The following RNF217 variants were observed in gnomAD, a reference collection of about 807,000 sequenced individuals.
RNF217 encodes the protein ring finger protein 217, also known as E3 ubiquitin-protein ligase RNF217.
In RNF217, 31 loss-of-function variants were observed where a neutral mutation model predicts 57.8. The ratio of observed to expected loss-of-function variants is 0.54; its 90% CI spans 0.40 to 0.72. The LOEUF is 0.72. Among genes scored for constraint, RNF217 ranks in the 30% least tolerant of loss-of-function variants. The probability of loss-of-function intolerance (pLI) is 0.00; values close to 1 mark genes in which losing one functional copy is unlikely to be tolerated. For synonymous variants in RNF217, 313 were observed against 294.0 expected (o/e 1.06, Z -0.66); for missense variants, 696 against 708.3 (o/e 0.98, Z 0.20).
chr6:125,010,277 ATT>A (rs930929594), intron 1 of RNF217, among the ~76,000 whole-genome samples: 1 of 152,122 alleles, frequency 6.6e-6, no homozygotes, highest in Non-Finnish European at 1.5e-5. Flanking sequence ...GAGTATAATA[ATT>A]TACCATGTTT....
chr6:124,965,649 T>G (rs1182547505), intron 1 of RNF217, among the ~76,000 whole-genome samples: 1 of 152,170 alleles, frequency 6.6e-6, no homozygotes. Flanking sequence ...GGGCATGCTT[T>G]CACCTCAGGG....
chr6:125,038,414 C>A (rs899031762), intron 1 of RNF217, among the ~76,000 whole-genome samples: 1 of 151,818 alleles, frequency 6.6e-6, no homozygotes, highest in East Asian at 1.9e-4. Flanking sequence ...TTTTTTAGCC[C>A]CATACTGAAA....
At chr6:125,022,074 G>T (rs1785864235) in intron 1 of RNF217, among the ~76,000 whole-genome samples, 1 of 151,990 alleles carries the variant, frequency 6.6e-6, no homozygotes, top group Non-Finnish European at 1.5e-5. Flanking sequence ...GTAGAGATGG[G>T]GTTTCACCAT....
chr6:124,977,810 C>G (rs1349947397), intron 1 of RNF217, among the ~76,000 whole-genome samples: 5 of 152,228 alleles, frequency 3.3e-5, no homozygotes, highest in Admixed American at 1.3e-4. Flanking sequence ...CTCATCACCT[C>G]TTCTGAAAAA....
At chr6:125,058,282 T>C (rs1204353459) in intron 3 of RNF217, among the ~76,000 whole-genome samples, 176 bp downstream of exon 3, 3 of 152,164 alleles carry the variant, frequency 2.0e-5, no homozygotes. Flanking sequence ...TTATAAACCA[T>C]GTATATTCTT....
chr6:125,083,695 T>TA lies in RNF217; in HGVS notation c.*761dup, dbSNP rs2114662949. 1 of 152,166 alleles carries TA rather than the reference T, an allele frequency of 6.6e-6. No homozygotes were observed. The highest frequency in any genetic ancestry group is 1.9e-4 in the East Asian group (1 of 5,178). 9.4% of individuals were successfully genotyped at this position (152,166 alleles called of 1,614,324 possible). A position where few individuals can be genotyped will look rare whatever the true frequency, so the allele number is the denominator to read the frequency against. ...TTGTGGACATAATTTAGCAATGTAT[T>TA]AAATTAAAGTCAATGTAGACAACAG... On this transcript the variant is annotated 3_prime_UTR_variant, in exon 6 of 6. Coordinates refer to ENST00000521654, the MANE Select transcript of RNF217 (RefSeq NM_001286398.3).
intron 1 of RNF217, among the ~76,000 whole-genome samples, chr6:124,976,772 T>C (rs935896855): frequency 6.6e-6 from 1 of 152,168 alleles, no homozygotes; most frequent in Non-Finnish European, 1.5e-5. Flanking sequence ...CCCAAAGTGC[T>C]GGGATTACAG....
chr6:124,987,774 A>G (rs1176531321), intron 1 of RNF217, among the ~76,000 whole-genome samples: 1 of 152,030 alleles, frequency 6.6e-6, no homozygotes, highest in Non-Finnish European at 1.5e-5. Flanking sequence ...TCTTATTTTA[A>G]TTTTTGACAG....
chr6:125,054,108 A>C (rs1484263862), intron 2 of RNF217, among the ~76,000 whole-genome samples: 1 of 152,164 alleles, frequency 6.6e-6, no homozygotes, highest in Non-Finnish European at 1.5e-5. Context: ...TTCACTGAGG[A>C]GTGAACTTGT....
At chr6:124,976,302 C>A (rs114575819) in intron 1 of RNF217, among the ~76,000 whole-genome samples, 13 of 145,812 alleles carry the variant, frequency 8.9e-5, no homozygotes, top group Non-Finnish European at 3.0e-5. Context: ...TCCCTTCCTC[C>A]CTGTCACCTG....
At position 125,089,936 on chromosome 6, in the gene RNF217, A is replaced by G. The variant is rs1788884204; in HGVS notation, c.*6999A>G. 1 of 152,136 alleles carries G rather than the reference A, an allele frequency of 6.6e-6. No homozygotes were observed. The highest frequency in any genetic ancestry group is 1.5e-5 in the Non-Finnish European group (1 of 68,022). The allele number at this position is 152,136 out of a possible 1,614,324, so 9.4% of individuals were successfully genotyped here. ...ATAAATATCTAAATTCTTTCATTTT[A>G]TAGAAAATTAGCATGCTTTATGTTT... On this transcript the variant is annotated 3_prime_UTR_variant, in exon 6 of 6. Transcript: ENST00000521654.
At chr6:124,985,456 T>C (rs1784336915) in intron 1 of RNF217, among the ~76,000 whole-genome samples, 1 of 152,238 alleles carries the variant, frequency 6.6e-6, no homozygotes, top group Admixed American at 6.5e-5. Context: ...AATCCAATTA[T>C]ACTCTTAGTT....
intron 2 of RNF217, among the ~76,000 whole-genome samples, chr6:125,054,168 G>C (rs1040697118): frequency 2.6e-5 from 4 of 152,122 alleles, no homozygotes; most frequent in African/African-American, 9.7e-5. Flanking sequence ...AGTTCCATAA[G>C]AAAGGTACTG....
chr6:124,981,586 A>G (rs112011277), intron 1 of RNF217, among the ~76,000 whole-genome samples: 1 of 152,178 alleles, frequency 6.6e-6, no homozygotes, highest in Non-Finnish European at 1.5e-5. Flanking sequence ...CTGCCTTTTT[A>G]CATAAACAGC....
chr6:125,020,826 G>A (rs1159192765), intron 1 of RNF217, among the ~76,000 whole-genome samples: 1 of 152,092 alleles, frequency 6.6e-6, no homozygotes, highest in East Asian at 1.9e-4. Context: ...ATATATTAAA[G>A]CTTACAATTA....
chr6:124,981,610 C>G (rs1373926523), intron 1 of RNF217, among the ~76,000 whole-genome samples: 1 of 152,136 alleles, frequency 6.6e-6, no homozygotes, highest in Non-Finnish European at 1.5e-5. Flanking sequence ...GCAGAGAAAG[C>G]AATCAGATAT....
chr6:124,986,807 A>C (rs1380438036), intron 1 of RNF217, among the ~76,000 whole-genome samples: 1 of 152,214 alleles, frequency 6.6e-6, no homozygotes, highest in African/African-American at 2.4e-5. Flanking sequence ...AATTGAAAAT[A>C]TAATAGTATT....
chr6:125,033,283 T>C (rs964238184), intron 1 of RNF217, among the ~76,000 whole-genome samples: 4 of 148,662 alleles, frequency 2.7e-5, no homozygotes, highest in African/African-American at 9.9e-5. Context: ...CATGCTGGTG[T>C]GCTGCACCCA....
chr6:125,000,873 A>G (rs991894648), intron 1 of RNF217, among the ~76,000 whole-genome samples: 1 of 152,152 alleles, frequency 6.6e-6, no homozygotes, highest in Non-Finnish European at 1.5e-5. Flanking sequence ...CAAGCATAGC[A>G]TGCATACCAC....
Sources: gnomAD v4.1 joint callset for allele counts (sites outside exome capture counted in the v4.1 genomes callset) on GRCh38, gnomAD v4.1.1 for gene constraint, MANE v1.5 for transcripts, NCBI Gene and HGNC (gene_info 2026-07-23, HGNC 2026-07-21) for gene names.